The following LRRC49 variants were observed in gnomAD, a reference collection of about 807,000 sequenced individuals.
The protein encoded by LRRC49 is leucine rich repeat containing 49.
In LRRC49, 50 loss-of-function variants were observed where a neutral mutation model predicts 83.3. That is an observed-to-expected ratio of 0.60 (90% CI 0.48 to 0.76). The LOEUF (loss-of-function observed/expected upper bound fraction) is 0.76. Ranked by LOEUF, LRRC49 falls within the 30% of genes least tolerant of loss-of-function variation. The pLI is 0.00. For missense variants in LRRC49, 704 were observed against 809.1 expected, an observed-to-expected ratio of 0.87 and a Z score of 1.58; for synonymous variants, 286 against 283.3, an observed-to-expected ratio of 1.01 and a Z score of -0.10.
intron 8 of LRRC49, among the ~76,000 whole-genome samples, chr15:70,950,433 C>G (rs914752588): frequency 6.6e-6 from 1 of 151,884 alleles, no homozygotes; most frequent in African/African-American, 2.4e-5. Context: ...TAAGTGTTCC[C>G]TTTTCTCCAA....
chr15:71,015,812 T>A (rs2038806488), intron 14 of LRRC49, among the ~76,000 whole-genome samples: 1 of 152,218 alleles, frequency 6.6e-6, no homozygotes, highest in African/African-American at 2.4e-5. Context: ...TACAGATAAT[T>A]TTCTTTACAT....
At chr15:70,904,781 A>G (rs778272602) in intron 5 of LRRC49, 26 bp downstream of exon 5, 5 of 1,535,856 alleles carry the variant, frequency 3.3e-6, no homozygotes, top group Non-Finnish European at 3.6e-6. Context: ...CAGTTTTTGT[A>G]GCCTAATGTT....
At chr15:71,023,399 A>G (rs1318141227) in intron 14 of LRRC49, among the ~76,000 whole-genome samples, 1 of 152,240 alleles carries the variant, frequency 6.6e-6, no homozygotes, top group East Asian at 1.9e-4. Flanking sequence ...AGTAAAGATA[A>G]TAAATGGAAA....
intron 11 of LRRC49, among the ~76,000 whole-genome samples, chr15:70,990,072 G>A (rs1211139394): frequency 2.0e-5 from 3 of 152,166 alleles, no homozygotes; most frequent in African/African-American, 2.4e-5. Flanking sequence ...AGGCTGCTCG[G>A]GGGTCAGGGG....
chr15:70,941,074 A>G (rs1179786407), intron 8 of LRRC49, among the ~76,000 whole-genome samples: 1 of 152,222 alleles, frequency 6.6e-6, no homozygotes, highest in African/African-American at 2.4e-5. Context: ...TGAGTATAGT[A>G]AGGTGGCATA....
chr15:70,959,599 A>G (rs549396100), intron 8 of LRRC49, among the ~76,000 whole-genome samples: 55 of 133,474 alleles, frequency 4.1e-4, no homozygotes, highest in African/African-American at 1.2e-3. Context: ...GGAAGGAAGG[A>G]AGGGAGGGAA....
chr15:70,909,970 G>T (rs943327405), intron 5 of LRRC49, among the ~76,000 whole-genome samples: 2 of 152,070 alleles, frequency 1.3e-5, no homozygotes, highest in Non-Finnish European at 2.9e-5. Flanking sequence ...AGATAGGATA[G>T]TATTAAATGC....
intron 11 of LRRC49, among the ~76,000 whole-genome samples, chr15:71,003,043 T>C (rs2038322171): frequency 7.6e-6 from 1 of 132,248 alleles, no homozygotes; most frequent in East Asian, 2.7e-4. Flanking sequence ...GTTCAAGCAA[T>C]TCTCCTGCCT....
At chr15:70,859,636 C>T (rs578074353) in intron 1 of LRRC49, 11 of 639,420 alleles carry the variant, frequency 1.7e-5, no homozygotes, top group South Asian at 4.2e-5. Flanking sequence ...CTGAGATCTC[C>T]GAGATGAACT....
intron 2 of LRRC49, among the ~76,000 whole-genome samples, chr15:70,875,869 A>G (rs1434178478): frequency 1.3e-5 from 2 of 152,196 alleles, no homozygotes; most frequent in Non-Finnish European, 2.9e-5. Context: ...TTTTTCTCCC[A>G]CTTTCCTAAA....
intron 10 of LRRC49, 67 bp from the exon 11 acceptor site, chr15:70,984,027 C>T: frequency 8.3e-7 from 1 of 1,210,056 alleles, no homozygotes; most frequent in Non-Finnish European, 1.2e-6. Flanking sequence ...ACAATATGCC[C>T]CTTAGATGTC....
At chr15:70,976,843 G>GT (rs1015920068) in intron 9 of LRRC49, among the ~76,000 whole-genome samples, 8 of 151,716 alleles carry the variant, frequency 5.3e-5, no homozygotes, top group East Asian at 1.9e-4. Flanking sequence ...ACAATTAGAG[G>GT]TTTTTTTTCT....
intron 3 of LRRC49, among the ~76,000 whole-genome samples, chr15:70,897,633 CATT>C (rs2033893351): frequency 1.3e-5 from 2 of 152,270 alleles, no homozygotes; most frequent in Non-Finnish European, 2.9e-5. Flanking sequence ...GATACCCAAT[CATT>C]ATAATTAATT....
chr15:70,911,717 A>C lies in LRRC49; in HGVS notation c.567+119A>C, dbSNP rs189115587. On this transcript the variant is annotated intron_variant, in intron 6 of 15. Coordinates refer to ENST00000260382, the MANE Select transcript of LRRC49 (RefSeq NM_017691.5). ...CAAGAGTTTCTTTATTGATTCACTG[A>C]AATTTCTAAGGTATCAAGCTTATTT... 445 of 631,988 alleles carry C rather than the reference A, an allele frequency of 7.0e-4. 1 individual carries two copies. Among genetic ancestry groups the C allele is most frequent in the Admixed American group, 1.7e-3 (56 of 32,234 alleles). The allele number at this position is 631,988 out of a possible 1,614,324, so 39.1% of individuals were successfully genotyped here. A position where few individuals can be genotyped will look rare whatever the true frequency, so the allele number is the denominator to read the frequency against.
intron 8 of LRRC49, among the ~76,000 whole-genome samples, chr15:70,960,075 C>T (rs2036553672): frequency 6.6e-6 from 1 of 152,148 alleles, no homozygotes; most frequent in African/African-American, 2.4e-5. Context: ...GGAAGCTTGC[C>T]TCTGTGGATG....
At chr15:70,972,781 A>G (rs891299340) in intron 9 of LRRC49, among the ~76,000 whole-genome samples, 8 of 151,874 alleles carry the variant, frequency 5.3e-5, no homozygotes, top group African/African-American at 1.9e-4. Flanking sequence ...CGATTTAGCT[A>G]TTGATACTTG....
intron 1 of LRRC49, among the ~76,000 whole-genome samples, chr15:70,869,954 A>C (rs559828320): frequency 5.3e-5 from 8 of 151,942 alleles, no homozygotes; most frequent in Non-Finnish European, 1.0e-4. Flanking sequence ...CTTGAGCTGC[A>C]GCTAAAAAAA....
At chr15:70,915,046 G>A (rs2034708509) in intron 6 of LRRC49, among the ~76,000 whole-genome samples, 1 of 152,118 alleles carries the variant, frequency 6.6e-6, no homozygotes, top group East Asian at 1.9e-4. Flanking sequence ...TTCTTGCTGT[G>A]AAGTATATCA....
rs773832326 is a variant in LRRC49 at position 70,900,953 on chromosome 15, G to A, written c.225G>A (p.Leu75=). Residue 75 remains leucine (L), a synonymous_variant, in exon 4 of 16, where the codon TTG becomes TTA. Transcript: ENST00000260382. ...ATATTAATTTGGTGAGCTCATCATT[G>A]TCATCATTTCCTATTCTTCAACGTT... ...GDHINLVSSS[L]SSFPILQRSS... 39 of 1,609,292 alleles carry A rather than the reference G, an allele frequency of 2.4e-5. No individual in the cohort carries two copies. The highest frequency in any genetic ancestry group is 3.1e-5 in the Non-Finnish European group (36 of 1,176,968).
Sources: allele counts gnomAD v4.1 joint callset (sites outside exome capture counted in the v4.1 genomes callset), GRCh38; gene constraint gnomAD v4.1.1; transcripts MANE v1.5; gene names NCBI Gene and HGNC (gene_info 2026-07-23, HGNC 2026-07-21).